Variants in FAM13B observed in about 807,000 individuals in gnomAD.
FAM13B encodes the protein protein FAM13B.
Under a neutral mutation model 117.3 loss-of-function variants are expected in FAM13B, and 60 were observed. The observed-to-expected ratio is 0.51, with a 90% CI of 0.42 to 0.63. The LOEUF is 0.63. FAM13B is among the 30% of genes least tolerant of loss of function. The probability of loss-of-function intolerance (pLI) is 0.00; values close to 1 mark genes in which losing one functional copy is unlikely to be tolerated. For synonymous variants in FAM13B, 332 were observed against 356.1 expected (o/e 0.93, Z 0.76); for missense variants, 972 against 1,091.9 (o/e 0.89, Z 1.55).
chr5:137,938,995 C>T lies in FAM13B; in HGVS notation c.*1230G>A, dbSNP rs1181400567. On this transcript the variant is annotated 3_prime_UTR_variant, in exon 24 of 24. Coordinates refer to ENST00000689681, the MANE Select transcript of FAM13B (RefSeq NM_001385994.1). ...TGTACTGTTAGCACAAATGAAGTCACCATTCTGTAACAATGATTAGCAGAA... is the reference window on the plus strand; with the variant it reads ...TGTACTGTTAGCACAAATGAAGTCATCATTCTGTAACAATGATTAGCAGAA... The T allele has an allele frequency of 6.6e-6, 1 of 152,068 alleles. No homozygotes were observed. The highest frequency in any genetic ancestry group is 1.5e-5 in the Non-Finnish European group (1 of 68,026). The allele number at this position is 152,068 out of a possible 1,614,324, so 9.4% of individuals were successfully genotyped here. A position where few individuals can be genotyped will look rare whatever the true frequency, so the allele number is the denominator to read the frequency against.
intron 1 of FAM13B, among the ~76,000 whole-genome samples, chr5:138,029,217 G>C (rs953970914): frequency 6.6e-6 from 1 of 152,184 alleles, no homozygotes; most frequent in Non-Finnish European, 1.5e-5. Flanking sequence ...CAAGCTCAGA[G>C]AGCTGAAGAA....
intron 10 of FAM13B, among the ~76,000 whole-genome samples, chr5:137,974,387 C>G (rs1773257026): frequency 7.0e-6 from 1 of 142,422 alleles, no homozygotes; most frequent in Non-Finnish European, 1.5e-5. Context: ...CATATTCTCA[C>G]TCATAGGTGG....
At chr5:137,944,247 T>A (rs976409082) in intron 20 of FAM13B, among the ~76,000 whole-genome samples, 3 of 152,170 alleles carry the variant, frequency 2.0e-5, no homozygotes, top group Admixed American at 1.3e-4. Flanking sequence ...GGTTACCACA[T>A]CTTATTTACT....
At chr5:138,051,684 C>T (rs1221384852) in intron 1 of FAM13B, among the ~76,000 whole-genome samples, 1 of 152,168 alleles carries the variant, frequency 6.6e-6, no homozygotes, top group Non-Finnish European at 1.5e-5. Flanking sequence ...GTGCTGGTCC[C>T]TACACTATGT....
intron 7 of FAM13B, among the ~76,000 whole-genome samples, chr5:137,988,892 G>A (rs1350399213): frequency 6.6e-6 from 1 of 152,214 alleles, no homozygotes; most frequent in African/African-American, 2.4e-5. Flanking sequence ...TTGTGGGGGT[G>A]AGAGTGGGAC....
intron 10 of FAM13B, among the ~76,000 whole-genome samples, chr5:137,965,644 T>C (rs527371900): frequency 7.9e-5 from 12 of 152,318 alleles, no homozygotes; most frequent in East Asian, 5.8e-4. Context: ...AAATTGCATA[T>C]TGATATACTT....
In FAM13B at chr5:138,007,102, G is replaced by C; in HGVS notation, c.736C>G (p.His246Asp). ...CCCTCTTCTGGAAGTTCTTCAATAT[G>C]TTCCAGCTTTTCATCTTCCTCTTCT... ...EEEEEDEKLE[H>D]IEELPEEGAE... Residue 246 changes from histidine (H) to aspartate (D), a missense_variant, in exon 7 of 24, where the codon CAT (histidine) becomes GAT (aspartate). His to Asp is a moderately conservative substitution (Grantham distance 81). Coordinates refer to ENST00000689681, the MANE Select transcript of FAM13B (RefSeq NM_001385994.1). 1 of 1,612,632 alleles carries C rather than the reference G, an allele frequency of 6.2e-7. No homozygotes were observed. The highest frequency in any genetic ancestry group is 8.5e-7 in the Non-Finnish European group (1 of 1,179,620).
chr5:137,976,191 G>A (rs79544797), intron 10 of FAM13B, among the ~76,000 whole-genome samples: 2,285 of 151,942 alleles, frequency 0.015, 39 homozygotes, highest in Non-Finnish European at 0.02. Flanking sequence ...TCCTGACTTC[G>A]TGATCCACCC....
intron 14 of FAM13B, 69 bp from the exon 15 acceptor site, chr5:137,954,445 A>C: frequency 8.3e-7 from 1 of 1,202,490 alleles, no homozygotes; most frequent in Non-Finnish European, 1.2e-6. Context: ...GTCACAAAAT[A>C]TCAGCTATGT....
Position 137,968,975 on chromosome 5 carries a change from G to A in FAM13B, c.1180-6506C>T, listed in dbSNP as rs554191509. On this transcript the variant is annotated intron_variant, in intron 10 of 23. Coordinates refer to ENST00000689681, the MANE Select transcript of FAM13B (RefSeq NM_001385994.1). The stretch of plus-strand genomic sequence containing the variant: ...GAGGGTCCTACACCCACAGAGTCTC[G>A]CTGATTGCTACCACAGCAGTCTGAG... 3.0e-3 allele frequency among the ~76,000 whole-genome samples: 454 copies of A among 152,286 alleles called. 2 individuals carry two copies. Among genetic ancestry groups the A allele is most frequent in the Non-Finnish European group, 5.1e-3 (345 of 68,030 alleles).
In FAM13B at chr5:137,954,118, G is replaced by C. The variant is rs375429449; in HGVS notation, c.1718+48C>G. 3 of 1,285,186 alleles carry C rather than the reference G, an allele frequency of 2.3e-6. No individual in the cohort carries two copies. In the African/African-American group the frequency reaches 4.7e-5, roughly 20 times the overall value. The allele number at this position is 1,285,186 out of a possible 1,614,324, so 79.6% of individuals were successfully genotyped here. ...GAAGACTAAATCTCTCAAAAGACTT[G>C]GGTACATAATAGGAATTGCCTCTTG... is the stretch of plus-strand genomic sequence containing the variant. On this transcript the variant is annotated intron_variant, in intron 15 of 23. Coordinates refer to ENST00000689681, the MANE Select transcript of FAM13B (RefSeq NM_001385994.1).
chr5:137,948,203 T>C (rs1763963225), intron 18 of FAM13B, among the ~76,000 whole-genome samples: 1 of 151,724 alleles, frequency 6.6e-6, no homozygotes, highest in Admixed American at 6.6e-5. Flanking sequence ...AATCATTTAA[T>C]CCTCATAACA....
upstream of FAM13B, among the ~76,000 whole-genome samples, chr5:138,037,720 T>C (rs1791292577): frequency 6.6e-6 from 1 of 152,144 alleles, no homozygotes; most frequent in Non-Finnish European, 1.5e-5. Context: ...GCTGTTTGAG[T>C]ACTGGGATAT....
chr5:138,014,859 T>C (rs995445259), intron 4 of FAM13B, among the ~76,000 whole-genome samples: 3 of 152,246 alleles, frequency 2.0e-5, no homozygotes, highest in Non-Finnish European at 4.4e-5. Flanking sequence ...ACATTAAATA[T>C]ATACATACTT....
chr5:137,957,703 G>A (rs774578008), intron 13 of FAM13B, among the ~76,000 whole-genome samples: 20 of 152,112 alleles, frequency 1.3e-4, no homozygotes, highest in South Asian at 4.1e-4. Flanking sequence ...TGTAACTGTC[G>A]GCTTTCTGAA....
intron 15 of FAM13B, 90 bp downstream of exon 15, chr5:137,954,076 T>G: frequency 3.6e-6 from 2 of 562,972 alleles, no homozygotes; most frequent in Non-Finnish European, 5.7e-6. Flanking sequence ...GGAGTTTCAC[T>G]ATTGAAGCCC....
At position 137,939,878 on chromosome 5, in the gene FAM13B, T is replaced by C; in HGVS notation, c.*347A>G. On this transcript the variant is annotated 3_prime_UTR_variant, in exon 24 of 24. Coordinates refer to ENST00000689681, the MANE Select transcript of FAM13B (RefSeq NM_001385994.1). The stretch of plus-strand genomic sequence containing the variant: ...TCTTCAGTAATGAGAAACAAAAAGT[T>C]GGTAATAACAAAAAGCTTGCATTTC... 1.5e-6 allele frequency: 2 copies of C among 1,334,192 alleles called. No individual in the cohort carries two copies. The highest frequency in any genetic ancestry group is 2.2e-5 in the South Asian group (1 of 44,714). The allele number at this position is 1,334,192 out of a possible 1,614,324, so 82.6% of individuals were successfully genotyped here.
At chr5:138,021,219 T>C in intron 1 of FAM13B, 22 bp from the exon 2 acceptor site, 1 of 1,230,656 alleles carries the variant, frequency 8.1e-7, no homozygotes, top group Non-Finnish European at 1.0e-6. Flanking sequence ...AAACAATTAT[T>C]TCAATTTCCC....
chr5:138,001,415 T>C, intron 7 of FAM13B, among the ~76,000 whole-genome samples: 2 of 152,310 alleles, frequency 1.3e-5, no homozygotes, highest in South Asian at 4.1e-4. Flanking sequence ...TCAAACAATA[T>C]ATTTTATATT....
Sources: allele counts gnomAD v4.1 joint callset (sites outside exome capture counted in the v4.1 genomes callset), GRCh38; gene constraint gnomAD v4.1.1; transcripts MANE v1.5; gene names NCBI Gene and HGNC (gene_info 2026-07-23, HGNC 2026-07-21).